Variants in MAGI1 observed in about 807,000 individuals in gnomAD.
The protein encoded by MAGI1 is membrane associated guanylate kinase, WW and PDZ domain containing 1, also known as membrane-associated guanylate kinase, WW and PDZ domain-containing protein 1.
MAGI1 carries 58 observed loss-of-function variants against 139.9 expected under a neutral mutation model. The observed-to-expected ratio is 0.41, with a 90% CI of 0.34 to 0.52. The LOEUF (loss-of-function observed/expected upper bound fraction) is 0.52, where lower values mean the gene tolerates loss of function less well. Ranked by LOEUF, MAGI1 falls within the 20% of genes least tolerant of loss-of-function variation. MAGI1 has a pLI of 0.12. For synonymous variants in MAGI1, 812 were observed against 737.9 expected, an observed-to-expected ratio of 1.10 and a Z score of -1.63; for missense variants, 1,874 against 1,901.6, an observed-to-expected ratio of 0.99 and a Z score of 0.27.
At chr3:65,854,937 G>A (rs1458841544) in intron 1 of MAGI1, among the ~76,000 whole-genome samples, 1 of 152,246 alleles carries the variant, frequency 6.6e-6, no homozygotes, top group African/African-American at 2.4e-5. Context: ...GGGCTGCAAA[G>A]TCAAACGTCT....
At chr3:65,492,826 C>A (rs1379857403) in intron 3 of MAGI1, among the ~76,000 whole-genome samples, 3 of 152,106 alleles carry the variant, frequency 2.0e-5, no homozygotes, top group Non-Finnish European at 4.4e-5. Flanking sequence ...TTCCTGTAAT[C>A]CCAGCACTTT....
intron 2 of MAGI1, among the ~76,000 whole-genome samples, chr3:65,535,990 C>A (rs1244114830): frequency 1.3e-5 from 2 of 152,170 alleles, no homozygotes; most frequent in African/African-American, 4.8e-5. Flanking sequence ...ATGAGGGGCA[C>A]ATGGGAACTG....
At chr3:65,427,737 A>G (rs534158684) in intron 12 of MAGI1, among the ~76,000 whole-genome samples, 7 of 152,330 alleles carry the variant, frequency 4.6e-5, no homozygotes, top group Non-Finnish European at 8.8e-5. Flanking sequence ...GCACCTTCCT[A>G]CCTCACAGGG....
At chr3:65,886,645 A>C (rs563145626) in intron 1 of MAGI1, among the ~76,000 whole-genome samples, 1 of 152,326 alleles carries the variant, frequency 6.6e-6, no homozygotes, top group African/African-American at 2.4e-5. Context: ...CACTAGCCAG[A>C]ATGCACAGGA....
intron 1 of MAGI1, among the ~76,000 whole-genome samples, chr3:65,833,144 A>C (rs1003949753): frequency 6.6e-6 from 1 of 151,084 alleles, no homozygotes; most frequent in African/African-American, 2.4e-5. Context: ...GGGAGACAGA[A>C]TCTCACTCTG....
chr3:65,590,518 A>C (rs983425680), intron 2 of MAGI1, among the ~76,000 whole-genome samples: 1 of 152,182 alleles, frequency 6.6e-6, no homozygotes, highest in East Asian at 1.9e-4. Context: ...AACTTGTCCA[A>C]ATGTCAGAAT....
chr3:66,013,141 C>A (rs1344521855), intron 1 of MAGI1, among the ~76,000 whole-genome samples: 1 of 152,216 alleles, frequency 6.6e-6, no homozygotes, highest in Non-Finnish European at 1.5e-5. Context: ...CAGCGGCTCA[C>A]GCCTGCAATC....
intron 1 of MAGI1, among the ~76,000 whole-genome samples, chr3:65,798,370 C>G (rs532799069): frequency 1.3e-5 from 2 of 152,236 alleles, no homozygotes; most frequent in East Asian, 3.9e-4. Context: ...GACAACCCCT[C>G]GCCCATTCCA....
At chr3:65,968,832 T>A (rs1270126379) in intron 1 of MAGI1, among the ~76,000 whole-genome samples, 2 of 152,170 alleles carry the variant, frequency 1.3e-5, no homozygotes, top group African/African-American at 4.8e-5. Context: ...AAACTTTTAT[T>A]CATAGGAAAT....
intron 9 of MAGI1, 88 bp downstream of exon 9, chr3:65,439,791 G>A: frequency 6.3e-7 from 1 of 1,591,974 alleles, no homozygotes; most frequent in Non-Finnish European, 8.5e-7. Flanking sequence ...AATCATCGAG[G>A]CCAGTTCTGA....
chr3:65,910,322 C>G (rs1050684995), intron 1 of MAGI1, among the ~76,000 whole-genome samples: 3 of 152,050 alleles, frequency 2.0e-5, no homozygotes, highest in African/African-American at 7.2e-5. Flanking sequence ...TCTTTTATCC[C>G]CCCATGAAAA....
At chr3:65,687,767 T>C in intron 1 of MAGI1, 1 of 561,478 alleles carries the variant, frequency 1.8e-6, no homozygotes, top group Non-Finnish European at 3.6e-6. Flanking sequence ...GTTTTGACCA[T>C]GCCTACCATG....
At chr3:65,482,022 G>A (rs536818901) in intron 3 of MAGI1, among the ~76,000 whole-genome samples, 1 of 152,308 alleles carries the variant, frequency 6.6e-6, no homozygotes, top group South Asian at 2.1e-4. Context: ...AATTGCTGTT[G>A]TAGAAGATAT....
intron 1 of MAGI1, among the ~76,000 whole-genome samples, chr3:65,854,114 A>C (rs1280714563): frequency 6.6e-6 from 1 of 152,066 alleles, no homozygotes; most frequent in Admixed American, 6.5e-5. Flanking sequence ...TCTCAAAAAA[A>C]AAAGTTGCCC....
At chr3:65,815,908 G>A (rs1000578982) in intron 1 of MAGI1, among the ~76,000 whole-genome samples, 2 of 152,152 alleles carry the variant, frequency 1.3e-5, no homozygotes, top group Non-Finnish European at 2.9e-5. Context: ...CCAACGCAGA[G>A]ATCTAACATA....
At chr3:65,710,470 G>C (rs1031209630) in intron 1 of MAGI1, among the ~76,000 whole-genome samples, 1 of 151,440 alleles carries the variant, frequency 6.6e-6, no homozygotes, top group African/African-American at 2.4e-5. Flanking sequence ...AGTAGAGATG[G>C]GGTTTCTCCA....
intron 1 of MAGI1, among the ~76,000 whole-genome samples, chr3:65,807,101 A>G (rs181823719): frequency 6.6e-4 from 100 of 152,340 alleles, no homozygotes; most frequent in African/African-American, 2.3e-3. Context: ...TATAGTAAAG[A>G]AACTGAGGCT....
chr3:65,429,283 T>G (rs544044478), intron 12 of MAGI1, among the ~76,000 whole-genome samples: 1 of 152,210 alleles, frequency 6.6e-6, no homozygotes, highest in Admixed American at 6.5e-5. Context: ...AATCTTAACA[T>G]TTTAAAAAGG....
At chr3:65,464,985 T>A (rs1950076472) in intron 5 of MAGI1, among the ~76,000 whole-genome samples, 7 of 146,228 alleles carry the variant, frequency 4.8e-5, no homozygotes, top group Admixed American at 4.1e-4. Flanking sequence ...TGCACACATT[T>A]TATATATATA....
Sources: gnomAD v4.1 joint callset for allele counts (sites outside exome capture counted in the v4.1 genomes callset) on GRCh38, gnomAD v4.1.1 for gene constraint, MANE v1.5 for transcripts, NCBI Gene and HGNC (gene_info 2026-07-23, HGNC 2026-07-21) for gene names.